Variants in SPTA1 observed in about 807,000 individuals in gnomAD.
The protein encoded by SPTA1 is spectrin alpha, erythrocytic 1.
Under a neutral mutation model 324.7 loss-of-function variants are expected in SPTA1, and 177 were observed. The ratio of observed to expected loss-of-function variants is 0.55; its 90% CI spans 0.48 to 0.62. The LOEUF (loss-of-function observed/expected upper bound fraction) is 0.62. Among genes scored for constraint, SPTA1 ranks in the 20% least tolerant of loss-of-function variants. SPTA1 has a pLI of 0.00. For missense variants in SPTA1, 3,162 were observed against 2,883.6 expected, an observed-to-expected ratio of 1.10 and a Z score of -2.21; for synonymous variants, 1,195 against 1,041.3, an observed-to-expected ratio of 1.15 and a Z score of -2.84.
intron 25 of SPTA1, among the ~76,000 whole-genome samples, chr1:158,649,441 G>A (rs1432650023): frequency 6.6e-6 from 1 of 152,084 alleles, no homozygotes; most frequent in Non-Finnish European, 1.5e-5. Flanking sequence ...CACCACACTG[G>A]GCTAATTTTT....
Position 158,620,159 on chromosome 1 carries a change from T to C in SPTA1, c.6417+11A>G. The stretch of plus-strand genomic sequence containing the variant: ...GTAGTGAAAGGAAGTTTCTGCCGTG[T>C]TCCAGGTTACCTCAATGATGTCAGA... On this transcript the variant is annotated intron_variant, in intron 44 of 51. Coordinates refer to ENST00000643759, the MANE Select transcript of SPTA1 (RefSeq NM_003126.4). The C allele has an allele frequency of 6.2e-7, 1 of 1,614,124 alleles. No homozygotes were observed.
chr1:158,621,983 G>C (rs1051507972), intron 43 of SPTA1, among the ~76,000 whole-genome samples: 1 of 152,200 alleles, frequency 6.6e-6, no homozygotes, highest in Non-Finnish European at 1.5e-5. Context: ...TCCTGCCTCA[G>C]CCTCCTGAGT....
rs1653861272 is a variant in SPTA1, at chr1:158,669,579, G to C, written c.1678-16C>G. ...GGGCTAACAGCTGCAAAAACCATGAGTAAACTTACTGTCAGCACAACCAAA... is the reference window on the plus strand; with the variant it reads ...GGGCTAACAGCTGCAAAAACCATGACTAAACTTACTGTCAGCACAACCAAA... On this transcript the variant is annotated splice_polypyrimidine_tract_variant and intron_variant, in intron 13 of 51. Transcript: ENST00000643759. 6.2e-7 allele frequency: 1 copy of C among 1,614,124 alleles called. No homozygotes were observed. The highest frequency in any genetic ancestry group is 2.2e-5 in the East Asian group (1 of 44,878).
intron 43 of SPTA1, among the ~76,000 whole-genome samples, chr1:158,621,721 T>C (rs1649921551): frequency 6.6e-6 from 1 of 152,200 alleles, no homozygotes; most frequent in Admixed American, 6.5e-5. Context: ...TTTTCAAAAG[T>C]GTGGAAATTA....
Position 158,668,075 on chromosome 1 carries a change from G to GAAAAA in SPTA1, c.1834-18_1834-14dup. On this transcript the variant is annotated splice_polypyrimidine_tract_variant and intron_variant, in intron 14 of 51. Coordinates refer to ENST00000643759, the MANE Select transcript of SPTA1 (RefSeq NM_003126.4). ...AGTTCTGTATGTCCTGAGATAAGAT[G>GAAAAA]AAAAAAAAAAAAAAAACCATTACCT... 6.8e-7 allele frequency: 1 copy of GAAAAA among 1,476,248 alleles called. No homozygotes were observed. Among genetic ancestry groups the GAAAAA allele is most frequent in the Non-Finnish European group, 9.2e-7 (1 of 1,085,694 alleles). 91.4% of individuals were successfully genotyped at this position (1,476,248 alleles called of 1,614,324 possible). A position where few individuals can be genotyped will look rare whatever the true frequency, so the allele number is the denominator to read the frequency against.
In SPTA1 at chr1:158,643,330, T is replaced by C. The variant is rs1651755133; in HGVS notation, c.4434A>G (p.Val1478=). 1 of 1,613,930 alleles carries C rather than the reference T, an allele frequency of 6.2e-7. No homozygotes were observed. Among genetic ancestry groups the C allele is most frequent in the Non-Finnish European group, 8.5e-7 (1 of 1,179,900 alleles). The change falls in exon 31 of 52, where the codon GTA becomes GTG. Residue 1478 remains valine, a synonymous_variant. Coordinates refer to ENST00000643759, the MANE Select transcript of SPTA1 (RefSeq NM_003126.4). ...AATCACTCAGGCCTGACCTGTCTAG[T>C]ACACGTTGGAGCCGCGTAGCAATCT... is the stretch of plus-strand genomic sequence containing the variant. ...KEEIATRLQR[V]LDRWKALKAQ... is the part of the protein sequence containing the mutation.
intron 20 of SPTA1, among the ~76,000 whole-genome samples, chr1:158,655,945 C>T (rs564820335): frequency 2.2e-4 from 33 of 152,210 alleles, no homozygotes; most frequent in Non-Finnish European, 4.7e-4. Flanking sequence ...CGCTTATCCT[C>T]TTTCTCTGCA....
intron 24 of SPTA1, 44 bp from the exon 25 acceptor site, chr1:158,649,991 C>T: frequency 7.3e-7 from 1 of 1,369,298 alleles, no homozygotes; most frequent in Non-Finnish European, 1.0e-6. Flanking sequence ...AGAACTAACT[C>T]ACATGGCTCA....
chr1:158,652,789 G>T (rs1652548950), intron 22 of SPTA1, 136 bp from the exon 23 acceptor site: 1 of 1,016,730 alleles, frequency 9.8e-7, no homozygotes, highest in South Asian at 1.5e-5. Flanking sequence ...TAGTAGAAGA[G>T]AGGAGGAAAT....
chr1:158,680,462 C>T, intron 5 of SPTA1, 121 bp downstream of exon 5: 2 of 1,415,036 alleles, frequency 1.4e-6, no homozygotes, highest in Non-Finnish European at 2.0e-6. Flanking sequence ...ACTCCAGGAA[C>T]ATGCCAACCT....
At chr1:158,622,200 A>G (rs1447553917) in intron 43 of SPTA1, among the ~76,000 whole-genome samples, 1 of 152,084 alleles carries the variant, frequency 6.6e-6, no homozygotes, top group Non-Finnish European at 1.5e-5. Flanking sequence ...TCAACATCCA[A>G]TGCCTTAGCA....
At chr1:158,678,595 C>G in intron 5 of SPTA1, 61 bp from the exon 6 acceptor site, 4 of 1,575,098 alleles carry the variant, frequency 2.5e-6, no homozygotes, top group Middle Eastern at 1.7e-4. Context: ...AAAAATTATT[C>G]AAACACTTTT....
At chr1:158,657,836 C>T in intron 18 of SPTA1, 142 bp from the exon 19 acceptor site, 2 of 832,394 alleles carry the variant, frequency 2.4e-6, no homozygotes, top group Non-Finnish European at 3.8e-6. Flanking sequence ...CTTGAGTTAC[C>T]TGGGAATTGA....
intron 21 of SPTA1, 117 bp from the exon 22 acceptor site, chr1:158,653,542 C>A (rs373750833): frequency 7.2e-7 from 1 of 1,386,734 alleles, no homozygotes; most frequent in Non-Finnish European, 1.0e-6. Flanking sequence ...GATAAGCTAA[C>A]CATGTCTAAT....
intron 43 of SPTA1, 195 bp from the exon 44 acceptor site, chr1:158,620,661 G>T: frequency 3.4e-6 from 2 of 586,838 alleles, no homozygotes; most frequent in African/African-American, 1.9e-5. Flanking sequence ...CCCTGGTTCT[G>T]GCATTTTCTC....
chr1:158,676,940 A>T (rs1401593860), intron 7 of SPTA1, among the ~76,000 whole-genome samples: 2 of 152,162 alleles, frequency 1.3e-5, no homozygotes, highest in African/African-American at 2.4e-5. Flanking sequence ...TTAGGGAAAA[A>T]GACCAAAAAC....
At chr1:158,637,485 G>A (rs776194402) in intron 36 of SPTA1, among the ~76,000 whole-genome samples, 3 of 152,176 alleles carry the variant, frequency 2.0e-5, no homozygotes, top group African/African-American at 4.8e-5. Flanking sequence ...AATGGAATGA[G>A]TAATGAAACC....
intron 20 of SPTA1, among the ~76,000 whole-genome samples, chr1:158,655,059 C>T (rs1652733758): frequency 6.6e-6 from 1 of 152,080 alleles, no homozygotes; most frequent in Non-Finnish European, 1.5e-5. Flanking sequence ...GAAGTGTACT[C>T]CCTTAAGAAG....
At chr1:158,658,393 T>G (rs897445995) in intron 18 of SPTA1, among the ~76,000 whole-genome samples, 6 of 152,260 alleles carry the variant, frequency 3.9e-5, no homozygotes, top group African/African-American at 1.2e-4. Flanking sequence ...TGATTACTCA[T>G]ATGCACACAT....
Sources: gnomAD v4.1 joint callset for allele counts (sites outside exome capture counted in the v4.1 genomes callset) on GRCh38, gnomAD v4.1.1 for gene constraint, MANE v1.5 for transcripts, NCBI Gene and HGNC (gene_info 2026-07-23, HGNC 2026-07-21) for gene names.